ADGRB3: variants seen among roughly 807,000 people sequenced by gnomAD.
ADGRB3 encodes the protein brain-specific angiogenesis inhibitor 3.
In ADGRB3, 37 loss-of-function variants were observed where a neutral mutation model predicts 193.4. The observed-to-expected ratio is 0.19, with a 90% CI of 0.15 to 0.25. The LOEUF (loss-of-function observed/expected upper bound fraction) is 0.25. ADGRB3 is among the 10% of genes least tolerant of loss of function. The pLI is 1.00. For missense variants in ADGRB3, 1,637 were observed against 1,852.9 expected (o/e 0.88, Z 2.14); for synonymous variants, 690 against 644.2 (o/e 1.07, Z -1.08).
chr6:69,132,886 C>T (rs1020874628), intron 17 of ADGRB3, among the ~76,000 whole-genome samples: 3 of 152,114 alleles, frequency 2.0e-5, no homozygotes, highest in Non-Finnish European at 4.4e-5. Flanking sequence ...ATCGGGAATC[C>T]TTTCCCCATT....
intron 11 of ADGRB3, among the ~76,000 whole-genome samples, chr6:68,999,187 G>C (rs530573915): frequency 2.9e-4 from 44 of 151,684 alleles, no homozygotes; most frequent in Non-Finnish European, 4.3e-4. Flanking sequence ...TTCCCTTCAA[G>C]CATATTCTTT....
In ADGRB3 at chr6:68,696,918, T is replaced by C. The variant is rs528141165; in HGVS notation, c.757+57486T>C. ...TTCGTCCTCCTGTAAATTGATTCCA[T>C]TGTGCAAATGTCTTGTACTGTGGTA... is the stretch of plus-strand genomic sequence containing the variant. On this transcript the variant is annotated intron_variant, in intron 3 of 31. Transcript: ENST00000370598. Among the ~76,000 whole-genome samples the C allele has an allele frequency of 2.4e-4, 36 of 152,158 alleles. No homozygotes were observed. In the South Asian group the frequency reaches 7.0e-3, roughly 30 times the overall value.
chr6:69,312,529 G>A lies in ADGRB3; in HGVS notation c.2815-12343G>A, dbSNP rs147784141. ...CATGAATTGTCACACCTAGAATTCCGTAACAGGTCCAGTGGTGTCATTTAG... is the reference window on the plus strand; with the variant it reads ...CATGAATTGTCACACCTAGAATTCCATAACAGGTCCAGTGGTGTCATTTAG... On this transcript the variant is annotated intron_variant, in intron 20 of 31. Transcript: ENST00000370598. Among the ~76,000 whole-genome samples the A allele has an allele frequency of 6.4e-3, 973 of 151,636 alleles. 7 individuals are homozygous for A. Among genetic ancestry groups the A allele is most frequent in the African/African-American group, 9.2e-3 (382 of 41,438 alleles).
intron 3 of ADGRB3, among the ~76,000 whole-genome samples, chr6:68,664,666 A>G (rs1340800167): frequency 6.6e-6 from 1 of 151,804 alleles, no homozygotes; most frequent in Non-Finnish European, 1.5e-5. Context: ...ATACCTCTGA[A>G]TCCTACTATT....
intron 11 of ADGRB3, among the ~76,000 whole-genome samples, chr6:69,001,157 G>A (rs945383189): frequency 6.6e-6 from 1 of 152,202 alleles, no homozygotes; most frequent in African/African-American, 2.4e-5. Flanking sequence ...AGATGTCATG[G>A]TAGAATTAGA....
chr6:68,765,448 T>G (rs930731753), intron 3 of ADGRB3, among the ~76,000 whole-genome samples: 1 of 151,964 alleles, frequency 6.6e-6, no homozygotes, highest in African/African-American at 2.4e-5. Flanking sequence ...GCATTTTCTG[T>G]TCTTTATGTG....
chr6:68,938,889 A>T (rs1158243838), intron 5 of ADGRB3, among the ~76,000 whole-genome samples: 1 of 152,184 alleles, frequency 6.6e-6, no homozygotes, highest in Non-Finnish European at 1.5e-5. Context: ...TTATCTAATC[A>T]GCCTGTGTTT....
At chr6:68,682,870 C>T (rs760487189) in intron 3 of ADGRB3, among the ~76,000 whole-genome samples, 2 of 151,762 alleles carry the variant, frequency 1.3e-5, no homozygotes, top group Admixed American at 6.6e-5. Flanking sequence ...CTCTGCTTCC[C>T]GGGTTCAAGT....
chr6:68,896,257 T>A (rs532874356), intron 3 of ADGRB3, among the ~76,000 whole-genome samples: 49 of 152,214 alleles, frequency 3.2e-4, no homozygotes, highest in African/African-American at 1.1e-3. Context: ...TAATAGTTTC[T>A]GTCTGTCCTC....
At chr6:69,349,055 G>T (rs1769168292) in intron 26 of ADGRB3, among the ~76,000 whole-genome samples, 1 of 152,158 alleles carries the variant, frequency 6.6e-6, no homozygotes. Flanking sequence ...ATGATCTTGA[G>T]CAAGTTACTT....
intron 3 of ADGRB3, among the ~76,000 whole-genome samples, chr6:68,713,869 T>G (rs1765447812): frequency 6.6e-6 from 1 of 151,680 alleles, no homozygotes; most frequent in Admixed American, 6.6e-5. Context: ...TGAAAGAATT[T>G]TATATAATCA....
intron 20 of ADGRB3, among the ~76,000 whole-genome samples, chr6:69,286,686 G>T (rs1239967519): frequency 4.6e-5 from 7 of 152,032 alleles, no homozygotes; most frequent in Admixed American, 1.3e-4. Context: ...CTAGAAACTT[G>T]AATTAAAAAA....
At chr6:68,941,047 T>C (rs1442302074) in intron 5 of ADGRB3, among the ~76,000 whole-genome samples, 2 of 152,136 alleles carry the variant, frequency 1.3e-5, no homozygotes, top group African/African-American at 2.4e-5. Flanking sequence ...AAAAGACATA[T>C]AATAATACAG....
intron 15 of ADGRB3, among the ~76,000 whole-genome samples, chr6:69,054,351 A>G (rs1771484122): frequency 6.6e-6 from 1 of 152,200 alleles, no homozygotes; most frequent in African/African-American, 2.4e-5. Flanking sequence ...TTAAAAATGA[A>G]TAGAAAAATA....
chr6:69,206,338 C>T (rs1166577904), intron 17 of ADGRB3, among the ~76,000 whole-genome samples: 1 of 151,912 alleles, frequency 6.6e-6, no homozygotes, highest in African/African-American at 2.4e-5. Flanking sequence ...AAGAGTGGGC[C>T]TCCCTTTCCC....
chr6:68,743,761 A>G (rs1215413484), intron 3 of ADGRB3, among the ~76,000 whole-genome samples: 1 of 152,162 alleles, frequency 6.6e-6, no homozygotes, highest in Non-Finnish European at 1.5e-5. Context: ...AATTAAGAGA[A>G]CTAAATAACA....
Position 69,060,220 on chromosome 6 carries a change from T to TTCTCTCTCTCTCTCTC in ADGRB3, c.2334-2699_2334-2684dup, listed in dbSNP as rs556453350. ...TCTCTTTCTCTGTCTCTCTCTCTCT[T>TTCTCTCTCTCTCTCTC]TCTCTCTCTCTCTCTCTCTCTCTCT... is the stretch of plus-strand genomic sequence containing the variant. On this transcript the variant is annotated intron_variant, in intron 15 of 31. Coordinates refer to ENST00000370598, the MANE Select transcript of ADGRB3 (RefSeq NM_001704.3). Among the ~76,000 whole-genome samples, 569 of 129,598 alleles carry TTCTCTCTCTCTCTCTC rather than the reference T, an allele frequency of 4.4e-3. 13 individuals are homozygous for TTCTCTCTCTCTCTCTC. The highest frequency in any genetic ancestry group is 0.012 in the African/African-American group (388 of 32,134). The allele number at this position is 129,598 out of a possible 152,430, so 85.0% of individuals were successfully genotyped here.
intron 3 of ADGRB3, among the ~76,000 whole-genome samples, chr6:68,928,158 ATTC>A (rs1242052824): frequency 6.6e-6 from 1 of 152,286 alleles, no homozygotes; most frequent in East Asian, 1.9e-4. Context: ...AATTCGTTCT[ATTC>A]TTTAAAAAAA....
chr6:69,124,184 G>A (rs1445822122), intron 17 of ADGRB3, among the ~76,000 whole-genome samples: 1 of 151,552 alleles, frequency 6.6e-6, no homozygotes, highest in Non-Finnish European at 1.5e-5. Flanking sequence ...CCAAATGAAT[G>A]TCTTTTTTCC....
Sources: gnomAD v4.1 joint callset for allele counts (sites outside exome capture counted in the v4.1 genomes callset) on GRCh38, gnomAD v4.1.1 for gene constraint, MANE v1.5 for transcripts, NCBI Gene and HGNC (gene_info 2026-07-23, HGNC 2026-07-21) for gene names.